CSTF3: variants seen among roughly 807,000 people sequenced by gnomAD.
The protein encoded by CSTF3 is cleavage stimulation factor subunit 3, also known as CF-1 77 kDa subunit.
CSTF3 carries 29 observed loss-of-function variants against 105.8 expected under a neutral mutation model. The ratio of observed to expected loss-of-function variants is 0.27; its 90% CI spans 0.20 to 0.37. The LOEUF (loss-of-function observed/expected upper bound fraction) is 0.37, where lower values mean the gene tolerates loss of function less well. CSTF3 is among the 10% of genes least tolerant of loss of function. CSTF3 has a pLI of 1.00. For missense variants in CSTF3, 357 were observed against 879.3 expected (o/e 0.41, Z 7.51); for synonymous variants, 252 against 281.9 (o/e 0.89, Z 1.06).
At chr11:33,111,594 T>G (rs1482159892) in intron 3 of CSTF3, among the ~76,000 whole-genome samples, 1 of 152,016 alleles carries the variant, frequency 6.6e-6, no homozygotes, top group African/African-American at 2.4e-5. Context: ...GATGCAAAAA[T>G]AGAGACAAGA....
At chr11:33,085,818 TTAAAG>T in intron 19 of CSTF3, 45 bp from the exon 20 acceptor site, 1 of 1,594,628 alleles carries the variant, frequency 6.3e-7, no homozygotes. Context: ...ATCTGACAAG[TTAAAG>T]TAGTAGTAAC....
intron 17 of CSTF3, 49 bp downstream of exon 17, chr11:33,090,483 A>G: frequency 8.4e-7 from 1 of 1,189,894 alleles, no homozygotes; most frequent in South Asian, 2.6e-5. Flanking sequence ...AACTCTTCTA[A>G]AACACTGGAA....
At position 33,085,799 on chromosome 11, in the gene CSTF3, A is replaced by G. The variant is rs370927014; in HGVS notation, c.1891-26T>C. 4.5e-5 allele frequency: 72 copies of G among 1,606,832 alleles called. No homozygotes were observed. In the African/African-American group the frequency reaches 8.7e-4, roughly 19 times the overall value. The stretch of plus-strand genomic sequence containing the variant: ...CTATTTTTGACATGAATAAATTTTA[A>G]TCCCAGTAATCTGACAAGTTAAAGT... On this transcript the variant is annotated intron_variant, in intron 19 of 20. Transcript: ENST00000323959.
intron 1 of CSTF3, among the ~76,000 whole-genome samples, chr11:33,160,922 G>A (rs1023165076): frequency 1.7e-4 from 26 of 152,068 alleles, no homozygotes; most frequent in African/African-American, 5.1e-4. Context: ...AGTATATTTG[G>A]CGGGGTAAAA....
At chr11:33,121,090 T>A (rs1393406015) in intron 3 of CSTF3, among the ~76,000 whole-genome samples, 1 of 152,076 alleles carries the variant, frequency 6.6e-6, no homozygotes, top group Non-Finnish European at 1.5e-5. Flanking sequence ...AATGAAAACA[T>A]GATTTCTATT....
intron 1 of CSTF3, among the ~76,000 whole-genome samples, chr11:33,160,652 A>G (rs1849928398): frequency 6.6e-6 from 1 of 152,254 alleles, no homozygotes. Context: ...GTTGTCACTC[A>G]TATTTACTAT....
chr11:33,139,832 A>C (rs991613947), intron 3 of CSTF3, among the ~76,000 whole-genome samples: 1 of 152,042 alleles, frequency 6.6e-6, no homozygotes, highest in African/African-American at 2.4e-5. Context: ...ATTTCATTAT[A>C]TGAATTGAGC....
Position 33,090,716 on chromosome 11 carries a change from G to T in CSTF3, c.1457C>A (p.Ala486Asp). 1 of 1,530,070 alleles carries T rather than the reference G, an allele frequency of 6.5e-7. No individual in the cohort carries two copies. Among genetic ancestry groups the T allele is most frequent in the Non-Finnish European group, 8.8e-7 (1 of 1,140,502 alleles). The allele number at this position is 1,530,070 out of a possible 1,614,324, so 94.8% of individuals were successfully genotyped here. Residue 486 changes from alanine (A) to aspartate (D), a missense_variant, in exon 17 of 21, where the codon GCC becomes GAC. Physicochemically the swap from Ala to Asp is moderately radical, Grantham distance 126. Around this residue, in one of 4 missense-constraint regions of CSTF3, gnomAD observed 206 missense variants for 576.5 expected, o/e 0.36. Coordinates refer to ENST00000323959, the MANE Select transcript of CSTF3 (RefSeq NM_001326.3). ...ATTACTTTCAAATGCTAGAAATCGG[G>T]CCCAGATTTCTCTGCAAGAAAAGAA... ...LPPEKSGEIWARFLAFESNIG... is the reference protein window; with the variant it reads ...LPPEKSGEIWDRFLAFESNIG...
At chr11:33,150,088 C>T (rs960552158) in intron 1 of CSTF3, among the ~76,000 whole-genome samples, 2 of 144,642 alleles carry the variant, frequency 1.4e-5, no homozygotes, top group African/African-American at 5.1e-5. Context: ...GGTGGCAGGC[C>T]CCTGTAATCC....
chr11:33,146,063 C>A (rs1029815686), intron 1 of CSTF3, among the ~76,000 whole-genome samples: 1 of 151,634 alleles, frequency 6.6e-6, no homozygotes, highest in African/African-American at 2.4e-5. Context: ...ATGGTGAAAC[C>A]CCCGTCTCTA....
chr11:33,135,577 A>G (rs1855645005), intron 3 of CSTF3, among the ~76,000 whole-genome samples: 1 of 152,108 alleles, frequency 6.6e-6, no homozygotes, highest in Admixed American at 6.6e-5. Flanking sequence ...AGGGATAACA[A>G]TGTCTTGATT....
intron 1 of CSTF3, among the ~76,000 whole-genome samples, chr11:33,159,035 A>G (rs542981935): frequency 1.3e-5 from 2 of 152,314 alleles, no homozygotes; most frequent in African/African-American, 4.8e-5. Context: ...TTAAAGAACT[A>G]GATTTTAGAA....
chr11:33,161,152 G>T, intron 1 of CSTF3, 147 bp downstream of exon 1: 1 of 694,402 alleles, frequency 1.4e-6, no homozygotes. Context: ...CTTAGATCTT[G>T]CTCCCCATTC....
At chr11:33,153,643 A>C (rs541363478) in intron 1 of CSTF3, among the ~76,000 whole-genome samples, 9 of 151,986 alleles carry the variant, frequency 5.9e-5, no homozygotes, top group Admixed American at 5.2e-4. Context: ...ATCTCTAAAA[A>C]AAATAGTAAT....
intron 3 of CSTF3, among the ~76,000 whole-genome samples, chr11:33,138,420 T>G (rs1480354298): frequency 4.0e-5 from 6 of 151,814 alleles, no homozygotes; most frequent in Non-Finnish European, 8.9e-5. Context: ...TTTCTCAATT[T>G]TGTGATTATT....
chr11:33,129,394 CTT>C (rs967909642), intron 3 of CSTF3, among the ~76,000 whole-genome samples: 20 of 144,050 alleles, frequency 1.4e-4, no homozygotes, highest in Admixed American at 3.5e-4. Context: ...GCCCGGCCTA[CTT>C]TTTTTTTTTT....
intron 3 of CSTF3, among the ~76,000 whole-genome samples, chr11:33,138,516 T>G (rs569215267): frequency 1.3e-5 from 2 of 151,876 alleles, no homozygotes; most frequent in Non-Finnish European, 3.0e-5. Context: ...CTCAAGTGTT[T>G]AAAACCTCTC....
intron 3 of CSTF3, among the ~76,000 whole-genome samples, chr11:33,126,508 T>A (rs536920083): frequency 9.2e-5 from 14 of 152,210 alleles, no homozygotes; most frequent in Non-Finnish European, 1.5e-4. Context: ...TTCTAAATAA[T>A]GTGAAAGCAG....
At chr11:33,091,288 G>GTTCT (rs1565001758) in intron 16 of CSTF3, among the ~76,000 whole-genome samples, 1 of 152,142 alleles carries the variant, frequency 6.6e-6, no homozygotes, top group Non-Finnish European at 1.5e-5. Context: ...CCTCATCGTT[G>GTTCT]TTCTAACAGC....
Sources: gnomAD v4.1 joint callset for allele counts (sites outside exome capture counted in the v4.1 genomes callset) on GRCh38, gnomAD v4.1.1 for gene constraint, gnomAD v4.1.1 regional missense constraint, MANE v1.5 for transcripts, NCBI Gene and HGNC (gene_info 2026-07-23, HGNC 2026-07-21) for gene names.